Variants in ZNF484 observed in about 807,000 individuals in gnomAD.
ZNF484 encodes the protein zinc finger protein 484, also known as KRAB box containing C2H2 type zinc finger bA526D8.4.
A neutral mutation model predicts 12.9 loss-of-function variants in ZNF484; 11 were observed. The ratio of observed to expected loss-of-function variants is 0.85; its 90% confidence interval spans 0.54 to 1.41. The LOEUF is 1.41. Ranked by LOEUF, ZNF484 falls within the 40% of genes most tolerant of loss-of-function variation. The pLI is 0.00. For missense variants in ZNF484, 807 were observed against 1,007.7 expected, an observed-to-expected ratio of 0.80 and a Z score of 2.70; for synonymous variants, 289 against 334.1, an observed-to-expected ratio of 0.86 and a Z score of 1.47.
At chr9:92,876,084 TA>T (rs1481606769) in intron 1 of ZNF484, among the ~76,000 whole-genome samples, 1 of 152,028 alleles carries the variant, frequency 6.6e-6, no homozygotes, top group East Asian at 1.9e-4. Context: ...AACCACACAA[TA>T]AATCTTGAAT....
chr9:92,877,841 C>A, intron 1 of ZNF484, 49 bp downstream of exon 1: 2 of 1,535,852 alleles, frequency 1.3e-6, no homozygotes, highest in Non-Finnish European at 8.7e-7. Context: ...GGACAGACAT[C>A]AGAGATTCTT....
chr9:92,854,739 T>A (rs1284490452), intron 4 of ZNF484, among the ~76,000 whole-genome samples: 1 of 152,028 alleles, frequency 6.6e-6, no homozygotes, highest in South Asian at 2.1e-4. Flanking sequence ...ATAAATAAAT[T>A]ATCATTTCCA....
chr9:92,859,405 G>A (rs1231481652), intron 2 of ZNF484, among the ~76,000 whole-genome samples: 3 of 152,152 alleles, frequency 2.0e-5, no homozygotes, highest in African/African-American at 7.2e-5. Context: ...CAACACAGTA[G>A]TGAGTTAGTT....
At chr9:92,869,076 A>G (rs1413593514) in intron 2 of ZNF484, among the ~76,000 whole-genome samples, 1 of 152,092 alleles carries the variant, frequency 6.6e-6, no homozygotes, top group Non-Finnish European at 1.5e-5. Context: ...TCCAAACCAT[A>G]GCAATAACTC....
intron 2 of ZNF484, chr9:92,862,148 G>A (rs533541653): frequency 3.1e-4 from 299 of 974,290 alleles, no homozygotes; most frequent in Non-Finnish European, 3.5e-4. Flanking sequence ...ACCTGCCATT[G>A]GTAGTTGAGA....
At chr9:92,868,172 CT>C (rs1857217945) in intron 2 of ZNF484, among the ~76,000 whole-genome samples, 2 of 152,158 alleles carry the variant, frequency 1.3e-5, no homozygotes, top group African/African-American at 4.8e-5. Flanking sequence ...ATTTCTATGT[CT>C]TACCCAGCTT....
chr9:92,862,124 A>C (rs1178758430), intron 2 of ZNF484: 6 of 971,262 alleles, frequency 6.2e-6, no homozygotes, highest in Non-Finnish European at 4.9e-6. Flanking sequence ...TCTTAAACTT[A>C]ATTCTGAGGA....
At chr9:92,876,023 A>G (rs1336339969) in intron 1 of ZNF484, among the ~76,000 whole-genome samples, 1 of 148,822 alleles carries the variant, frequency 6.7e-6, no homozygotes, top group African/African-American at 2.5e-5. Flanking sequence ...CTTGCAGAGT[A>G]TCTCTATCTT....
intron 2 of ZNF484, among the ~76,000 whole-genome samples, chr9:92,861,934 G>C (rs1856803110): frequency 6.6e-6 from 1 of 152,118 alleles, no homozygotes; most frequent in Non-Finnish European, 1.5e-5. Flanking sequence ...CCTGAAAACA[G>C]TCAGAGAGAA....
rs1166153470 is a variant in ZNF484, at chr9:92,845,132, A to G, written c.*1096T>C. On this transcript the variant is annotated 3_prime_UTR_variant, in exon 5 of 5. Transcript: ENST00000375495. The surrounding 1 kb of genome is among the most constrained non-coding windows in gnomAD (Gnocchi z 4.0). ...TAAAAAGAAACATCTAATAATGATA[A>G]TGTGTCAATTAACCAGGAAGATTAC... 2.0e-5 allele frequency: 3 copies of G among 152,202 alleles called. No individual in the cohort carries two copies. The highest frequency in any genetic ancestry group is 2.9e-5 in the Non-Finnish European group (2 of 68,008). 9.4% of individuals were successfully genotyped at this position (152,202 alleles called of 1,614,324 possible). A position where few individuals can be genotyped will look rare whatever the true frequency, so the allele number is the denominator to read the frequency against.
chr9:92,856,402 GA>G (rs1856463257), intron 2 of ZNF484, 84 bp from the exon 3 acceptor site: 1 of 1,156,396 alleles, frequency 8.6e-7, no homozygotes, highest in African/African-American at 1.6e-5. Context: ...CAATGTGAAG[GA>G]TCGAGATTAC....
chr9:92,861,438 C>T (rs1856775045), intron 2 of ZNF484, among the ~76,000 whole-genome samples: 1 of 152,038 alleles, frequency 6.6e-6, no homozygotes, highest in Admixed American at 6.6e-5. Flanking sequence ...TATAAATTCT[C>T]AGCAAAGAAA....
intron 4 of ZNF484, among the ~76,000 whole-genome samples, chr9:92,849,958 C>A (rs1855967055): frequency 6.6e-6 from 1 of 152,290 alleles, no homozygotes. Context: ...TATGCCACCA[C>A]AACTGGCTAA....
Position 92,845,130 on chromosome 9 carries a change from T to A in ZNF484, c.*1098A>T, listed in dbSNP as rs1855509157. On this transcript the variant is annotated 3_prime_UTR_variant, in exon 5 of 5. Transcript: ENST00000375495. This position sits in a 1 kb window ranked among gnomAD's most constrained non-coding sequence, Gnocchi z 4.0. ...GATAAAAAGAAACATCTAATAATGATAATGTGTCAATTAACCAGGAAGATT... is the reference window on the plus strand; with the variant it reads ...GATAAAAAGAAACATCTAATAATGAAAATGTGTCAATTAACCAGGAAGATT... 1 of 152,176 alleles carries A rather than the reference T, an allele frequency of 6.6e-6. No homozygotes were observed. Among genetic ancestry groups the A allele is most frequent in the Non-Finnish European group, 1.5e-5 (1 of 68,004 alleles). The allele number at this position is 152,176 out of a possible 1,614,324, so 9.4% of individuals were successfully genotyped here. A position where few individuals can be genotyped will look rare whatever the true frequency, so the allele number is the denominator to read the frequency against.
chr9:92,860,228 A>G (rs2118015794), intron 2 of ZNF484, among the ~76,000 whole-genome samples: 1 of 152,292 alleles, frequency 6.6e-6, no homozygotes, highest in African/African-American at 2.4e-5. Flanking sequence ...AGGACATTCC[A>G]AAGATTTAGA....
At position 92,846,145 on chromosome 9, in the gene ZNF484, A is replaced by C. The variant is rs1855568647; in HGVS notation, c.*83T>G. 1.4e-6 allele frequency: 2 copies of C among 1,424,500 alleles called. No homozygotes were observed. 88.2% of individuals were successfully genotyped at this position (1,424,500 alleles called of 1,614,324 possible). A position where few individuals can be genotyped will look rare whatever the true frequency, so the allele number is the denominator to read the frequency against. On this transcript the variant is annotated 3_prime_UTR_variant, in exon 5 of 5. Coordinates refer to ENST00000375495, the MANE Select transcript of ZNF484 (RefSeq NM_031486.4). The stretch of plus-strand genomic sequence containing the variant: ...TCAAGTAACCAAAGATGGCCACTAT[A>C]CATTGCTTAAACACTCTCAAAAGTG...
At position 92,849,095 on chromosome 9, in the gene ZNF484, C is replaced by G. The variant is rs576360873; in HGVS notation, c.236-544G>C. The stretch of plus-strand genomic sequence containing the variant: ...TGGCCAACATGGAGAAACCTCATCT[C>G]TACTAAAAATACAAAATTAGCCGGA... On this transcript the variant is annotated intron_variant, in intron 4 of 4. Coordinates refer to ENST00000375495, the MANE Select transcript of ZNF484 (RefSeq NM_031486.4). 2.6e-5 allele frequency among the ~76,000 whole-genome samples: 4 copies of G among 151,748 alleles called. No homozygotes were observed. The South Asian group carries it at 8.3e-4, about 32-fold the overall frequency.
chr9:92,860,617 AAAC>A (rs1856728170), intron 2 of ZNF484, among the ~76,000 whole-genome samples: 3 of 151,198 alleles, frequency 2.0e-5, no homozygotes, highest in African/African-American at 7.3e-5. Flanking sequence ...AAAAAAAAAA[AAAC>A]AACAAAACAA....
Position 92,846,167 on chromosome 9 carries a change from AGT to A in ZNF484, c.*59_*60del, listed in dbSNP as rs1855569769. The stretch of plus-strand genomic sequence containing the variant: ...TATACATTGCTTAAACACTCTCAAA[AGT>A]GTCTCCCCATATGTGTAACTACACA... On this transcript the variant is annotated 3_prime_UTR_variant, in exon 5 of 5. Coordinates refer to ENST00000375495, the MANE Select transcript of ZNF484 (RefSeq NM_031486.4). 6.5e-7 allele frequency: 1 copy of A among 1,528,944 alleles called. No homozygotes were observed. The highest frequency in any genetic ancestry group is 8.8e-7 in the Non-Finnish European group (1 of 1,134,982). 94.7% of individuals were successfully genotyped at this position (1,528,944 alleles called of 1,614,324 possible). A position where few individuals can be genotyped will look rare whatever the true frequency, so the allele number is the denominator to read the frequency against.
Sources: gnomAD v4.1 joint callset for allele counts (sites outside exome capture counted in the v4.1 genomes callset) on GRCh38, gnomAD v4.1.1 for gene constraint, Gnocchi (gnomAD v3.1) non-coding constraint, MANE v1.5 for transcripts, NCBI Gene and HGNC (gene_info 2026-07-23, HGNC 2026-07-21) for gene names.